Variants in GPR139 observed in about 807,000 individuals in gnomAD.
GPR139 encodes G protein-coupled receptor 139, also known as probable G protein-coupled receptor 139.
Under a neutral mutation model 25.8 loss-of-function variants are expected in GPR139, and 12 were observed. The ratio of observed to expected loss-of-function variants is 0.47; its 90% CI spans 0.30 to 0.75. The LOEUF (loss-of-function observed/expected upper bound fraction) is 0.75. Among genes scored for constraint, GPR139 ranks in the 30% least tolerant of loss-of-function variants. The pLI is 0.07. For synonymous variants in GPR139, 184 were observed against 179.9 expected (o/e 1.02, Z -0.18); for missense variants, 380 against 450.2 (o/e 0.84, Z 1.41).
intron 1 of GPR139, among the ~76,000 whole-genome samples, chr16:20,048,456 ATGAGGCATCATT>A (rs1030441765): frequency 1.3e-5 from 2 of 152,228 alleles, no homozygotes; most frequent in African/African-American, 4.8e-5. Context: ...CCAAGGCAGC[ATGAGGCATCATT>A]TCAAAATCCC....
rs983101866 is a variant in GPR139, at chr16:20,031,177, A to G, written c.*558T>C. Among the ~76,000 whole-genome samples the G allele has an allele frequency of 6.6e-6, 1 of 152,174 alleles. No individual in the cohort carries two copies. The highest frequency in any genetic ancestry group is 2.4e-5 in the African/African-American group (1 of 41,434). ...GGATCCAATACTCTTCTATTCCCACAGTGTCATTCTGAAGCTAGGAGTGCC... is the reference window on the plus strand; with the variant it reads ...GGATCCAATACTCTTCTATTCCCACGGTGTCATTCTGAAGCTAGGAGTGCC... On this transcript the variant is annotated 3_prime_UTR_variant, in exon 2 of 2. Coordinates refer to ENST00000570682, the MANE Select transcript of GPR139 (RefSeq NM_001002911.4).
At chr16:20,050,243 C>A (rs1256250544) in intron 1 of GPR139, among the ~76,000 whole-genome samples, 2 of 152,082 alleles carry the variant, frequency 1.3e-5, no homozygotes, top group African/African-American at 4.8e-5. Context: ...GCAATAGGAG[C>A]CAGTCGAGTG....
chr16:20,034,641 G>A (rs1377311584), intron 1 of GPR139, among the ~76,000 whole-genome samples: 1 of 152,204 alleles, frequency 6.6e-6, no homozygotes, highest in Non-Finnish European at 1.5e-5. Context: ...CAGGGCTCAA[G>A]TGACCCTTGC....
intron 1 of GPR139, among the ~76,000 whole-genome samples, chr16:20,066,367 T>A (rs1263574265): frequency 6.6e-6 from 1 of 152,240 alleles, no homozygotes; most frequent in African/African-American, 2.4e-5. Context: ...TGAAGGCCAT[T>A]TCATGTTCTG....
intron 1 of GPR139, chr16:20,070,809 C>T (rs1031863237): frequency 3.0e-5 from 7 of 236,642 alleles, no homozygotes; most frequent in Admixed American, 6.5e-5. Flanking sequence ...AGCAAAGCTG[C>T]GTCTCCCAGT....
At chr16:20,048,962 C>CA (rs892376725) in intron 1 of GPR139, among the ~76,000 whole-genome samples, 3 of 152,224 alleles carry the variant, frequency 2.0e-5, no homozygotes, top group African/African-American at 7.2e-5. Flanking sequence ...ATACCTTCCC[C>CA]ACCCACAATC....
chr16:20,041,981 T>C (rs1341952077), intron 1 of GPR139, among the ~76,000 whole-genome samples: 1 of 152,150 alleles, frequency 6.6e-6, no homozygotes, highest in Admixed American at 6.5e-5. Context: ...ACCCAAAATA[T>C]TTGGGTACCT....
intron 1 of GPR139, among the ~76,000 whole-genome samples, chr16:20,063,247 A>G (rs1225210587): frequency 2.0e-5 from 3 of 152,246 alleles, no homozygotes; most frequent in Non-Finnish European, 4.4e-5. Flanking sequence ...AGTCTTAAAT[A>G]GAAATACAAT....
At chr16:20,038,485 T>C (rs1273047589) in intron 1 of GPR139, among the ~76,000 whole-genome samples, 2 of 152,104 alleles carry the variant, frequency 1.3e-5, no homozygotes, top group South Asian at 2.1e-4. Context: ...CAACCCCATC[T>C]AATTAATGCT....
intron 1 of GPR139, among the ~76,000 whole-genome samples, chr16:20,044,482 G>C (rs1419427282): frequency 6.6e-6 from 1 of 152,106 alleles, no homozygotes; most frequent in Non-Finnish European, 1.5e-5. Context: ...CAGCATCGTG[G>C]CTCACATCTA....
chr16:20,064,627 C>T (rs1273848291), intron 1 of GPR139, among the ~76,000 whole-genome samples: 5 of 152,224 alleles, frequency 3.3e-5, no homozygotes, highest in Admixed American at 6.5e-5. Flanking sequence ...TAGTACCAGA[C>T]ATTGTGCCCC....
rs536808078 is a variant in GPR139, at chr16:20,033,817, G to A, written c.128-1148C>T. ...TAATAAATAATCTATGCTTATATATGTCCATATAGTGTGCCTGCATTAGGT... is the reference window on the plus strand; with the variant it reads ...TAATAAATAATCTATGCTTATATATATCCATATAGTGTGCCTGCATTAGGT... On this transcript the variant is annotated intron_variant, in intron 1 of 1. Coordinates refer to ENST00000570682, the MANE Select transcript of GPR139 (RefSeq NM_001002911.4). Among the ~76,000 whole-genome samples, 5 of 151,978 alleles carry A rather than the reference G, an allele frequency of 3.3e-5. No individual in the cohort carries two copies. The South Asian group carries it at 1.0e-3, about 32-fold the overall frequency.
intron 1 of GPR139, among the ~76,000 whole-genome samples, chr16:20,054,687 TCTTCCTTCCTTC>T (rs199723951): frequency 7.7e-6 from 1 of 129,806 alleles, no homozygotes; most frequent in Non-Finnish European, 1.9e-5. Flanking sequence ...CTTCCTTCCT[TCTTCCTTCCTTC>T]CTTCCTTCCT....
At chr16:20,058,745 C>T (rs1219475970) in intron 1 of GPR139, among the ~76,000 whole-genome samples, 2 of 152,166 alleles carry the variant, frequency 1.3e-5, no homozygotes, top group African/African-American at 4.8e-5. Flanking sequence ...ATTTGTCAAA[C>T]GACAGTGCTG....
intron 1 of GPR139, among the ~76,000 whole-genome samples, chr16:20,055,518 G>C (rs539823620): frequency 3.9e-5 from 6 of 152,238 alleles, no homozygotes; most frequent in African/African-American, 1.4e-4. Flanking sequence ...CTCAAACCTA[G>C]TCCACCCGAT....
rs1454237181 is a variant in GPR139 at position 20,073,716 on chromosome 16, G to A, written c.-100C>T. ...GCGGCGGCGGAGGCAGCGGCAGCTG[G>A]AGCAGCAGCGCCTCTCTCCCCGCAG... On this transcript the variant is annotated 5_prime_UTR_variant, in exon 1 of 2. Coordinates refer to ENST00000570682, the MANE Select transcript of GPR139 (RefSeq NM_001002911.4). The surrounding 1 kb of genome is among the most constrained non-coding windows in gnomAD (Gnocchi z 4.7). The A allele has an allele frequency of 2.9e-6, 4 of 1,395,748 alleles. No homozygotes were observed. Among genetic ancestry groups the A allele is most frequent in the Non-Finnish European group, 3.8e-6 (4 of 1,053,436 alleles). 86.5% of individuals were successfully genotyped at this position (1,395,748 alleles called of 1,614,324 possible).
intron 1 of GPR139, among the ~76,000 whole-genome samples, chr16:20,036,061 A>G (rs2141201321): frequency 6.6e-6 from 1 of 152,336 alleles, no homozygotes; most frequent in East Asian, 1.9e-4. Flanking sequence ...GAAACATCAT[A>G]TAAGTGGCTA....
intron 1 of GPR139, among the ~76,000 whole-genome samples, chr16:20,049,666 C>T (rs1368558774): frequency 6.6e-6 from 1 of 152,198 alleles, no homozygotes; most frequent in African/African-American, 2.4e-5. Context: ...AGATTAAGAG[C>T]TCCGAGAGTG....
intron 1 of GPR139, among the ~76,000 whole-genome samples, chr16:20,055,631 C>T (rs1342436725): frequency 6.6e-6 from 1 of 152,254 alleles, no homozygotes; most frequent in Non-Finnish European, 1.5e-5. Flanking sequence ...ACATGGACAG[C>T]CTTTACCATT....
Sources: allele counts gnomAD v4.1 joint callset (sites outside exome capture counted in the v4.1 genomes callset), GRCh38; gene constraint gnomAD v4.1.1; non-coding constraint Gnocchi (gnomAD v3.1); transcripts MANE v1.5; gene names NCBI Gene and HGNC (gene_info 2026-07-23, HGNC 2026-07-21).